Variants in DMD observed in about 807,000 individuals in gnomAD.
DMD encodes the protein dystrophin.
DMD carries 63 observed loss-of-function variants against 330.1 expected under a neutral mutation model. That is an observed-to-expected ratio of 0.19 (90% confidence interval 0.16 to 0.24). The LOEUF (loss-of-function observed/expected upper bound fraction) is 0.24, where lower values mean the gene tolerates loss of function less well. Ranked by LOEUF, DMD falls within the 10% of genes least tolerant of loss-of-function variation. The pLI is 1.00. For synonymous variants in DMD, 1,223 were observed against 959.8 expected, an observed-to-expected ratio of 1.27 and a Z score of -5.07; for missense variants, 3,344 against 2,684.1, an observed-to-expected ratio of 1.25 and a Z score of -5.43.
At chrX:31,822,397 T>C (rs1197229936) in intron 49 of DMD, among the ~76,000 whole-genome samples, 3 of 112,076 alleles carry the variant, frequency 2.7e-5, no homozygotes, top group South Asian at 7.4e-4. Flanking sequence ...CTACAGTGTT[T>C]ACAAGTAATG....
chrX:31,401,296 T>C (rs1419826672), intron 60 of DMD, among the ~76,000 whole-genome samples: 1 of 111,934 alleles, frequency 8.9e-6, no homozygotes, highest in Non-Finnish European at 1.9e-5. Flanking sequence ...CTTTAAAACA[T>C]TCAATGATTT....
intron 1 of DMD, among the ~76,000 whole-genome samples, chrX:33,086,824 G>A (rs886420611): frequency 2.8e-5 from 3 of 107,949 alleles, no homozygotes; most frequent in East Asian, 5.7e-4. Context: ...TATATACATA[G>A]AGAGCGATAG....
chrX:33,029,975 A>T (rs186968224), intron 1 of DMD, among the ~76,000 whole-genome samples: 49 of 111,453 alleles, frequency 4.4e-4, no homozygotes, highest in African/African-American at 1.3e-3. Context: ...TTCAGAGTCA[A>T]ATAACCTGAG....
At chrX:32,563,342 C>CAAAAAAAAA (rs745316161) in intron 16 of DMD, among the ~76,000 whole-genome samples, 1 of 42,852 alleles carries the variant, frequency 2.3e-5, no homozygotes, top group Non-Finnish European at 4.1e-5. Context: ...GACTCCATCT[C>CAAAAAAAAA]AAAAAAAAAA....
chrX:31,201,315 A>G (rs758180724), intron 67 of DMD, among the ~76,000 whole-genome samples: 2 of 112,351 alleles, frequency 1.8e-5, no homozygotes, highest in Non-Finnish European at 3.8e-5. Context: ...CGAGGCTGCA[A>G]TGAGCTGTGA....
chrX:32,800,130 T>C (rs959827811), intron 7 of DMD, among the ~76,000 whole-genome samples: 13 of 112,274 alleles, frequency 1.2e-4, no homozygotes, highest in African/African-American at 4.2e-4. Context: ...CCCAAATGTT[T>C]CATTATTCTC....
At chrX:32,348,262 G>A in intron 38 of DMD, 144 bp downstream of exon 38, 4 of 612,629 alleles carry the variant, frequency 6.5e-6, no homozygotes, top group Non-Finnish European at 1.0e-5. Context: ...AAAAGGCCAA[G>A]AATATTCTGC....
At chrX:32,591,338 A>T (rs1048697801) in intron 13 of DMD, among the ~76,000 whole-genome samples, 1 of 111,957 alleles carries the variant, frequency 8.9e-6, no homozygotes, top group African/African-American at 3.2e-5. Flanking sequence ...ACAGAATAAC[A>T]TACCTAAAAA....
chrX:31,466,312 TTTTATG>T (rs2066855333), intron 59 of DMD, among the ~76,000 whole-genome samples: 1 of 111,783 alleles, frequency 8.9e-6, no homozygotes, highest in Non-Finnish European at 1.9e-5. Context: ...TGGTTTTAGG[TTTTATG>T]TTTAAGTCTT....
chrX:33,316,292 T>TA (rs1284498779), intron 1 of DMD, among the ~76,000 whole-genome samples: 1 of 111,109 alleles, frequency 9.0e-6, no homozygotes, highest in East Asian at 2.8e-4. Context: ...TAAAGATTAT[T>TA]AATGTAAAAT....
At chrX:31,807,821 G>T (rs2092338989) in intron 50 of DMD, among the ~76,000 whole-genome samples, 1 of 111,747 alleles carries the variant, frequency 8.9e-6, no homozygotes, top group East Asian at 2.8e-4. Flanking sequence ...TTCATTCATA[G>T]ACTGCATGAC....
In DMD at chrX:33,009,967, TATGTGTGTATACAC is replaced by T. The variant is rs1255312133; in HGVS notation, c.93+10158_93+10171del. Reference sequence around the variant, plus strand: ...ACACGTGTGTATGTGTATATACACATATGTGTGTATACACATGTGTGTATATACACGTATGTATG... The same window carrying T: ...ACACGTGTGTATGTGTATATACACATATGTGTGTATATACACGTATGTATG... On this transcript the variant is annotated intron_variant, in intron 2 of 78. Coordinates refer to ENST00000357033, the MANE Select transcript of DMD (RefSeq NM_004006.3). Among the ~76,000 whole-genome samples the T allele has an allele frequency of 4.1e-4, 25 of 60,650 alleles. 4 individuals carry two copies. The East Asian group carries it at 7.6e-3, about 18-fold the overall frequency. 52.7% of individuals were successfully genotyped at this position (60,650 alleles called of 115,157 possible).
intron 44 of DMD, chrX:32,206,214 C>T: frequency 3.9e-6 from 2 of 513,122 alleles, no homozygotes; most frequent in Admixed American, 4.6e-5. Flanking sequence ...AGGGCCAGTG[C>T]ATGTGAGTGG....
At chrX:33,034,414 C>T (rs781078156) in intron 1 of DMD, among the ~76,000 whole-genome samples, 1 of 111,641 alleles carries the variant, frequency 9.0e-6, no homozygotes, top group Non-Finnish European at 1.9e-5. Context: ...AGTTCTGCTA[C>T]TTATTAACAG....
At chrX:32,039,904 T>C (rs1442998204) in intron 44 of DMD, among the ~76,000 whole-genome samples, 1 of 111,198 alleles carries the variant, frequency 9.0e-6, no homozygotes, top group Non-Finnish European at 1.9e-5. Flanking sequence ...GTGGTATTTG[T>C]CTTTCTGTGC....
intron 53 of DMD, among the ~76,000 whole-genome samples, chrX:31,669,691 TACC>T (rs1163798558): frequency 9.0e-6 from 1 of 111,728 alleles, no homozygotes; most frequent in Non-Finnish European, 1.9e-5. Context: ...CACATTCTAG[TACC>T]ACATTGACTT....
chrX:32,462,485 T>C (rs1305033797), intron 25 of DMD, among the ~76,000 whole-genome samples: 2 of 111,562 alleles, frequency 1.8e-5, no homozygotes, highest in Admixed American at 9.6e-5. Flanking sequence ...TGATATACAC[T>C]ATTTTTGAAT....
chrX:32,727,077 T>C (rs759614570), intron 7 of DMD, among the ~76,000 whole-genome samples: 4 of 111,069 alleles, frequency 3.6e-5, no homozygotes, highest in Non-Finnish European at 7.6e-5. Context: ...AAGATACTGA[T>C]GCTTCTTTAA....
intron 17 of DMD, among the ~76,000 whole-genome samples, chrX:32,522,168 G>T (rs1252921490): frequency 3.6e-5 from 4 of 111,867 alleles, no homozygotes; most frequent in African/African-American, 1.3e-4. Context: ...GTATTGCAAA[G>T]TCTAATCTGT....
Sources: allele counts gnomAD v4.1 joint callset (sites outside exome capture counted in the v4.1 genomes callset), GRCh38; gene constraint gnomAD v4.1.1; transcripts MANE v1.5; gene names NCBI Gene and HGNC (gene_info 2026-07-23, HGNC 2026-07-21).